The following PLXDC2 variants were observed in gnomAD, a reference collection of about 807,000 sequenced individuals.
The protein encoded by PLXDC2 is plexin domain containing 2, also known as plexin domain-containing protein 2.
PLXDC2 carries 40 observed loss-of-function variants against 68.9 expected under a neutral mutation model. The observed-to-expected ratio is 0.58, with a 90% CI of 0.45 to 0.76. The LOEUF (loss-of-function observed/expected upper bound fraction) is 0.76, where lower values mean the gene tolerates loss of function less well. Ranked by LOEUF, PLXDC2 falls within the 30% of genes least tolerant of loss-of-function variation. The probability of loss-of-function intolerance (pLI) is 0.00; values close to 1 mark genes in which losing one functional copy is unlikely to be tolerated. For synonymous variants in PLXDC2, 243 were observed against 234.2 expected (o/e 1.04, Z -0.34); for missense variants, 644 against 661.9 (o/e 0.97, Z 0.30).
chr10:20,070,139 G>T (rs1027795126), intron 4 of PLXDC2, among the ~76,000 whole-genome samples: 1 of 152,158 alleles, frequency 6.6e-6, no homozygotes, highest in African/African-American at 2.4e-5. Flanking sequence ...AATGTGGCAT[G>T]TTAAGATTGG....
At chr10:20,114,590 C>T (rs2131752025) in intron 4 of PLXDC2, among the ~76,000 whole-genome samples, 1 of 152,262 alleles carries the variant, frequency 6.6e-6, no homozygotes, top group South Asian at 2.1e-4. Flanking sequence ...AGGTGTGGAC[C>T]ACAAAGGGTG....
intron 3 of PLXDC2, among the ~76,000 whole-genome samples, chr10:20,055,306 G>A (rs973486725): frequency 1.3e-5 from 2 of 152,110 alleles, no homozygotes; most frequent in Non-Finnish European, 1.5e-5. Flanking sequence ...GCTTCAGCTA[G>A]CATTACCATG....
intron 1 of PLXDC2, among the ~76,000 whole-genome samples, chr10:19,825,124 T>A (rs1008328570): frequency 6.6e-6 from 1 of 152,194 alleles, no homozygotes; most frequent in Non-Finnish European, 1.5e-5. Flanking sequence ...GTGAATTTTG[T>A]CAAGAGAGGG....
intron 1 of PLXDC2, among the ~76,000 whole-genome samples, chr10:19,883,469 T>C (rs1240962415): frequency 6.6e-6 from 1 of 152,192 alleles, no homozygotes; most frequent in East Asian, 1.9e-4. Flanking sequence ...CTGAAAATCA[T>C]CATTCTCTCT....
At chr10:20,126,258 C>T (rs961513872) in intron 4 of PLXDC2, among the ~76,000 whole-genome samples, 14 of 145,166 alleles carry the variant, frequency 9.6e-5, no homozygotes, top group South Asian at 4.3e-4. Context: ...TATACATATA[C>T]GTTATATAAT....
chr10:19,841,861 T>A (rs1205772466), intron 1 of PLXDC2, among the ~76,000 whole-genome samples: 1 of 152,138 alleles, frequency 6.6e-6, no homozygotes, highest in Non-Finnish European at 1.5e-5. Context: ...AACATAGTAG[T>A]ATATACGTAC....
intron 4 of PLXDC2, among the ~76,000 whole-genome samples, chr10:20,112,946 G>T (rs537150498): frequency 6.6e-6 from 1 of 152,194 alleles, no homozygotes; most frequent in South Asian, 2.1e-4. Flanking sequence ...GACCCTTGAA[G>T]TGATATCTTT....
At chr10:20,203,566 C>A (rs12778653) in intron 9 of PLXDC2, among the ~76,000 whole-genome samples, 38,674 of 151,930 alleles carry the variant, frequency 0.25, 6,027 homozygotes, top group Middle Eastern at 0.37. Context: ...CTGCCTTGAC[C>A]TCCCAAAATG....
chr10:20,089,410 T>G (rs1161438289), intron 4 of PLXDC2, among the ~76,000 whole-genome samples: 2 of 152,126 alleles, frequency 1.3e-5, no homozygotes, highest in African/African-American at 4.8e-5. Flanking sequence ...ACAGGTAAAC[T>G]GCACACATGT....
intron 9 of PLXDC2, among the ~76,000 whole-genome samples, chr10:20,185,996 C>G (rs1184259991): frequency 6.6e-6 from 1 of 151,896 alleles, no homozygotes; most frequent in African/African-American, 2.4e-5. Flanking sequence ...TAAGTTGACA[C>G]TCCTTCTTTT....
At position 20,284,328 on chromosome 10, in the gene PLXDC2, TATACACACAC is replaced by T. The variant is rs1836120314; in HGVS notation, c.*4511_*4520del. 8.7e-6 allele frequency: 1 copy of T among 114,326 alleles called. No individual in the cohort carries two copies. The highest frequency in any genetic ancestry group is 1.8e-5 in the Non-Finnish European group (1 of 56,268). 7.1% of individuals were successfully genotyped at this position (114,326 alleles called of 1,614,324 possible). ...TCAAATATACATATATATATATATA[TATACACACAC>T]ACACACACACACACAAATATACATA... On this transcript the variant is annotated 3_prime_UTR_variant, in exon 14 of 14. Transcript: ENST00000377252.
intron 4 of PLXDC2, among the ~76,000 whole-genome samples, chr10:20,136,855 T>C (rs1024132781): frequency 6.6e-6 from 1 of 152,242 alleles, no homozygotes; most frequent in Admixed American, 6.5e-5. Flanking sequence ...ATTCAAGTTT[T>C]ATGGAATGTT....
At chr10:20,229,902 G>C (rs2131876970) in intron 12 of PLXDC2, among the ~76,000 whole-genome samples, 1 of 152,230 alleles carries the variant, frequency 6.6e-6, no homozygotes, top group East Asian at 1.9e-4. Context: ...TTTTAACACA[G>C]TTAACATACT....
rs184616984 is a variant in PLXDC2, at chr10:20,235,918, A to G, written c.1313-9427A>G. ...AGTGCTTCGTCGGCCTATTTTTGATATTCCATAGTCACTATGAATATCTTT... is the reference window on the plus strand; with the variant it reads ...AGTGCTTCGTCGGCCTATTTTTGATGTTCCATAGTCACTATGAATATCTTT... On this transcript the variant is annotated intron_variant, in intron 12 of 13. Coordinates refer to ENST00000377252, the MANE Select transcript of PLXDC2 (RefSeq NM_032812.9). Among the ~76,000 whole-genome samples, 289 of 152,260 alleles carry G rather than the reference A, an allele frequency of 1.9e-3. 1 individual carries two copies. Among genetic ancestry groups the G allele is most frequent in the African/African-American group, 6.4e-3 (266 of 41,550 alleles).
chr10:20,195,469 C>A (rs1834825320), intron 9 of PLXDC2, among the ~76,000 whole-genome samples: 1 of 152,060 alleles, frequency 6.6e-6, no homozygotes, highest in Admixed American at 6.6e-5. Context: ...TTCTCTGGGG[C>A]AGTTGTTGGT....
At chr10:19,848,660 C>A (rs1172012834) in intron 1 of PLXDC2, among the ~76,000 whole-genome samples, 1 of 152,194 alleles carries the variant, frequency 6.6e-6, no homozygotes, top group Non-Finnish European at 1.5e-5. Context: ...TTCCAAACAT[C>A]TTCCATGTAG....
rs140982077 is a variant in PLXDC2, at chr10:20,201,384, C to T, written c.1062-10285C>T. On this transcript the variant is annotated intron_variant, in intron 9 of 13. Coordinates refer to ENST00000377252, the MANE Select transcript of PLXDC2 (RefSeq NM_032812.9). ...AATAAAATGCAGAACAGTGGATATT[C>T]GAGGCTGGGAAGAGTAGGTGAAAGA... is the stretch of plus-strand genomic sequence containing the variant. Among the ~76,000 whole-genome samples the T allele has an allele frequency of 3.6e-3, 545 of 151,580 alleles. 4 individuals carry two copies. The highest frequency in any genetic ancestry group is 0.012 in the African/African-American group (516 of 41,378).
intron 12 of PLXDC2, among the ~76,000 whole-genome samples, chr10:20,242,942 C>T (rs1246446912): frequency 1.3e-5 from 2 of 152,104 alleles, no homozygotes; most frequent in African/African-American, 4.8e-5. Context: ...AAACTCCTGA[C>T]CTCAGGTGAT....
At chr10:20,261,645 G>A (rs1374097773) in intron 13 of PLXDC2, among the ~76,000 whole-genome samples, 2 of 152,054 alleles carry the variant, frequency 1.3e-5, no homozygotes, top group African/African-American at 4.8e-5. Flanking sequence ...ACCTGAGGCT[G>A]GGAGTTTGAG....
Sources: allele counts gnomAD v4.1 joint callset (sites outside exome capture counted in the v4.1 genomes callset), GRCh38; gene constraint gnomAD v4.1.1; transcripts MANE v1.5; gene names NCBI Gene and HGNC (gene_info 2026-07-23, HGNC 2026-07-21).